BEST1: variants seen among roughly 807,000 people sequenced by gnomAD.
BEST1 encodes bestrophin 1.
BEST1 carries 58 observed loss-of-function variants against 63.3 expected under a neutral mutation model. That is an observed-to-expected ratio of 0.92 (90% CI 0.74 to 1.14). The LOEUF is 1.14. Ranked by LOEUF, BEST1 falls within the 50% of genes most tolerant of loss-of-function variation. The pLI is 0.00. For missense variants in BEST1, 671 were observed against 740.1 expected (o/e 0.91, Z 1.08); for synonymous variants, 283 against 291.6 (o/e 0.97, Z 0.30).
At chr11:61,964,078 GC>G in intron 10 of BEST1, 25 bp from the exon 11 acceptor site, 3 of 1,613,250 alleles carry the variant, frequency 1.9e-6, no homozygotes, top group Non-Finnish European at 2.5e-6. Flanking sequence ...CCATACTTAT[GC>G]TGTTAATACT....
intron 9 of BEST1, 127 bp from the exon 10 acceptor site, chr11:61,962,128 G>C: frequency 3.2e-6 from 3 of 942,178 alleles, no homozygotes; most frequent in South Asian, 2.9e-5. Context: ...GCTGGGGCAT[G>C]GTGAGGAAGA....
At chr11:61,959,312 G>A (rs1591300307) in intron 7 of BEST1, 186 bp from the exon 8 acceptor site, 6 of 652,228 alleles carry the variant, frequency 9.2e-6, no homozygotes, top group Non-Finnish European at 1.1e-5. Context: ...TAGAGGGGCT[G>A]TGTCCAGAAG....
chr11:61,958,422 T>G (rs769655450), intron 7 of BEST1, 124 bp downstream of exon 7: 1 of 1,557,202 alleles, frequency 6.4e-7, no homozygotes, highest in South Asian at 1.2e-5. Flanking sequence ...CAGCCAGGCG[T>G]GGTGGCGCAC....
intron 10 of BEST1, chr11:61,963,812 T>C: frequency 7.9e-7 from 1 of 1,259,302 alleles, no homozygotes; most frequent in Non-Finnish European, 1.0e-6. Context: ...GAGACCAACC[T>C]GGCCAACATG....
rs764000497 is a variant in BEST1, at chr11:61,957,425, T to C, written c.675T>C (p.Tyr225=). Reference sequence around the variant, plus strand: ...TGCGTACTCAGTGTGGACACCTGTATGCCTACGACTGGATTAGTATCCCAC... The same window carrying C: ...TGCGTACTCAGTGTGGACACCTGTACGCCTACGACTGGATTAGTATCCCAC... ...NTLRTQCGHL[Y]AYDWISIPLV... Residue 225 remains tyrosine, a synonymous_variant, in exon 6 of 11, where the codon TAT becomes TAC. Transcript: ENST00000378043. 1.9e-6 allele frequency: 3 copies of C among 1,613,978 alleles called. No homozygotes were observed. In the East Asian group the frequency reaches 6.7e-5, roughly 36 times the overall value.
intron 10 of BEST1, chr11:61,963,811 C>A (rs989695222): frequency 1.6e-6 from 2 of 1,257,952 alleles, no homozygotes; most frequent in Admixed American, 6.9e-5. Flanking sequence ...TGAGACCAAC[C>A]TGGCCAACAT....
At chr11:61,950,168 C>T (rs1467162663), upstream of BEST1, 1 of 152,496 alleles carries the variant, frequency 6.6e-6, no homozygotes, top group Admixed American at 6.5e-5. Context: ...AGCCCAACAC[C>T]CTCCAAGAAG....
At chr11:61,955,446 A>C (rs1164538683) in intron 3 of BEST1, 3 of 1,376,482 alleles carry the variant, frequency 2.2e-6, no homozygotes, top group Non-Finnish European at 2.9e-6. Flanking sequence ...CGCTGACATC[A>C]TGGTCCCTGG....
intron 3 of BEST1, 34 bp downstream of exon 3, chr11:61,955,235 G>A (rs1232751304): frequency 6.2e-7 from 1 of 1,614,018 alleles, no homozygotes; most frequent in Non-Finnish European, 8.5e-7. Flanking sequence ...CCGGGTCCCT[G>A]TGGCCGCCCA....
At chr11:61,963,581 G>GT in intron 10 of BEST1, 1 of 1,026,674 alleles carries the variant, frequency 9.7e-7, no homozygotes, top group Non-Finnish European at 1.2e-6. Flanking sequence ...GGGAGGAAGT[G>GT]TAACTTCCCT....
rs1941154059 is a variant in BEST1 at position 61,955,183 on chromosome 11, C to A, written c.229C>A (p.Pro77Thr). Residue 77 changes from proline (P) to threonine (T), a missense_variant, in exon 3 of 11, where the codon CCC becomes ACC. Pro to Thr is a conservative substitution (Grantham distance 38). Coordinates refer to ENST00000378043, the MANE Select transcript of BEST1 (RefSeq NM_004183.4). ...TTGCGACAGCTACATCCAGCTCATC[C>A]CCATTTCCTTCGTGCTGGGTGAGTT... ...LYCDSYIQLI[P>T]ISFVLGFYVT... 1 of 1,614,204 alleles carries A rather than the reference C, an allele frequency of 6.2e-7. No individual in the cohort carries two copies. The highest frequency in any genetic ancestry group is 1.3e-5 in the African/African-American group (1 of 75,060).
At chr11:61,963,721 T>C (rs1942309560) in intron 10 of BEST1, 3 of 1,143,710 alleles carry the variant, frequency 2.6e-6, no homozygotes, top group African/African-American at 1.6e-5. Context: ...CTGTGGCCTG[T>C]TCAGCAAAGG....
chr11:61,962,144 T>C, intron 9 of BEST1, 111 bp from the exon 10 acceptor site: 2 of 1,133,268 alleles, frequency 1.8e-6, no homozygotes, highest in Admixed American at 3.7e-5. Context: ...GAAGACGGTG[T>C]GGCCTTGGCT....
At chr11:61,964,751 C>A, downstream of BEST1, 1 of 1,599,108 alleles carries the variant, frequency 6.3e-7, no homozygotes, top group Non-Finnish European at 8.5e-7. Context: ...CACTGTCTCC[C>A]AGGGTGTGCT....
intron 9 of BEST1, chr11:61,960,371 A>G (rs1941937101): frequency 4.7e-6 from 2 of 422,578 alleles, no homozygotes; most frequent in Admixed American, 3.7e-5. Context: ...ATCCAGAACT[A>G]TGTTTTCTTT....
rs1941218763 is a variant in BEST1 at position 61,955,558 on chromosome 11, C to T, written c.248-160C>T. On this transcript the variant is annotated intron_variant, in intron 3 of 10. Coordinates refer to ENST00000378043, the MANE Select transcript of BEST1 (RefSeq NM_004183.4). ...GGGGCTCTCGCGCCTCCATGCGAGG[C>T]TCTGCCTGCCTCTCGCTCCCGAGCG... 5.0e-6 allele frequency: 5 copies of T among 1,005,606 alleles called. No homozygotes were observed. The South Asian group carries it at 6.7e-5, about 13-fold the overall frequency. 62.3% of individuals were successfully genotyped at this position (1,005,606 alleles called of 1,614,324 possible).
intron 7 of BEST1, 26 bp downstream of exon 7, chr11:61,958,324 G>C: frequency 6.2e-7 from 1 of 1,614,154 alleles, no homozygotes; most frequent in Non-Finnish European, 8.5e-7. Context: ...GCCCTGCTGG[G>C]CTGGAGGCAT....
At chr11:61,959,765 TC>T in intron 8 of BEST1, 126 bp from the exon 9 acceptor site, 2 of 1,421,338 alleles carry the variant, frequency 1.4e-6, no homozygotes, top group Admixed American at 3.9e-5. Flanking sequence ...GGCACCCATC[TC>T]CCCATTTCAC....
At chr11:61,964,653 A>G, downstream of BEST1, 1 of 1,484,164 alleles carries the variant, frequency 6.7e-7, no homozygotes, top group South Asian at 1.1e-5. Context: ...AAGGTAAAGG[A>G]AACCCCAACA....
Sources: allele counts gnomAD v4.1 joint callset, GRCh38; gene constraint gnomAD v4.1.1; transcripts MANE v1.5; gene names NCBI Gene and HGNC (gene_info 2026-07-23, HGNC 2026-07-21).